GOLGA2: variants seen among roughly 807,000 people sequenced by gnomAD.
The protein encoded by GOLGA2 is golgin subfamily A member 2.
GOLGA2 carries 49 observed loss-of-function variants against 148.8 expected under a neutral mutation model. The observed-to-expected ratio is 0.33, with a 90% CI of 0.26 to 0.42. The LOEUF (loss-of-function observed/expected upper bound fraction) is 0.42, where lower values mean the gene tolerates loss of function less well. Among genes scored for constraint, GOLGA2 ranks in the 10% least tolerant of loss-of-function variants. The pLI, the probability that GOLGA2 is intolerant of heterozygous loss-of-function variation, is 1.00. For synonymous variants in GOLGA2, 501 were observed against 511.8 expected, an observed-to-expected ratio of 0.98 and a Z score of 0.28; for missense variants, 1,178 against 1,304.6, an observed-to-expected ratio of 0.90 and a Z score of 1.49.
At chr9:128,264,282 T>C (rs1231387403) in intron 12 of GOLGA2, among the ~76,000 whole-genome samples, 1 of 148,592 alleles carries the variant, frequency 6.7e-6, no homozygotes, top group Non-Finnish European at 1.5e-5. Context: ...TCACCCAGGC[T>C]GGAGTGCAGT....
chr9:128,263,916 G>A (rs1830431601), intron 12 of GOLGA2, among the ~76,000 whole-genome samples: 1 of 150,248 alleles, frequency 6.7e-6, no homozygotes, highest in Non-Finnish European at 1.5e-5. Context: ...TGGCACTTTG[G>A]GAGGCCGAGG....
Position 128,261,472 on chromosome 9 carries a change from C to T in GOLGA2, c.1314G>A (p.Met438Ile), listed in dbSNP as rs776705825. 5 of 1,598,738 alleles carry T rather than the reference C, an allele frequency of 3.1e-6. No homozygotes were observed. The change falls in exon 16 of 27, where the codon ATG becomes ATA. Residue 438 changes from methionine (M) to isoleucine (I), a missense_variant. Around this residue, in one of 5 missense-constraint regions of GOLGA2, gnomAD observed 304 missense variants for 404.1 expected, o/e 0.75. Transcript: ENST00000611957. This position sits in a 1 kb window ranked among gnomAD's most constrained non-coding sequence, Gnocchi z 5.7. ...KGESAMWRQR[M>I]QQMSEQVHTL... ...GTCTCACCTGCTCTGACATCTGCTG[C>T]ATCCTCTGCCGCCACATGGCGCTCT...
Position 128,262,574 on chromosome 9 carries a change from G to C in GOLGA2, c.1123C>G (p.Leu375Val). The C allele has an allele frequency of 6.2e-7, 1 of 1,614,092 alleles. No individual in the cohort carries two copies. Among genetic ancestry groups the C allele is most frequent in the Non-Finnish European group, 8.5e-7 (1 of 1,179,944 alleles). Reference sequence around the variant, plus strand: ...CTGCAGCCTCTTGCCTGTTGAAGCAGGAGTTCCGTCATCTCTAACTTCTTT... The same window carrying C: ...CTGCAGCCTCTTGCCTGTTGAAGCACGAGTTCCGTCATCTCTAACTTCTTT... The part of the protein sequence containing the change: ...LQKKLEMTEL[L>V]LQQFSSRCEA... Residue 375 changes from leucine (L) to valine (V), a missense_variant, in exon 14 of 27, where the codon CTG (leucine) becomes GTG (valine). Leu to Val is a conservative substitution (Grantham distance 32, BLOSUM62 1). Transcript: ENST00000611957.
In GOLGA2 at chr9:128,256,368, G is replaced by A. The variant is rs1829860695; in HGVS notation, c.*699C>T. 1 of 152,472 alleles carries A rather than the reference G, an allele frequency of 6.6e-6. No homozygotes were observed. The highest frequency in any genetic ancestry group is 6.5e-5 in the Admixed American group (1 of 15,296). The allele number at this position is 152,472 out of a possible 1,614,324, so 9.4% of individuals were successfully genotyped here. Reference sequence around the variant, plus strand: ...TTAGACAGGGGTCTTATTTGCTACTGTAAGAGTAAAGGGATGACTGGGAAG... The same window carrying A: ...TTAGACAGGGGTCTTATTTGCTACTATAAGAGTAAAGGGATGACTGGGAAG... On this transcript the variant is annotated 3_prime_UTR_variant, in exon 27 of 27. Transcript: ENST00000611957.
In GOLGA2 at chr9:128,258,623, C is replaced by T. The variant is rs2131333879; in HGVS notation, c.2174-53G>A. On this transcript the variant is annotated intron_variant, in intron 21 of 26. Coordinates refer to ENST00000611957, the MANE Select transcript of GOLGA2 (RefSeq NM_001366244.2). The surrounding 1 kb of genome is among the most constrained non-coding windows in gnomAD (Gnocchi z 6.6). ...GACAACCCAACAAGGGTACAGTGGGCCCACCTCTGCCCCCACCCTCACTGT... is the reference window on the plus strand; with the variant it reads ...GACAACCCAACAAGGGTACAGTGGGTCCACCTCTGCCCCCACCCTCACTGT... The T allele has an allele frequency of 7.7e-7, 1 of 1,299,568 alleles. No homozygotes were observed. Among genetic ancestry groups the T allele is most frequent in the Non-Finnish European group, 1.1e-6 (1 of 928,532 alleles). The allele number at this position is 1,299,568 out of a possible 1,614,324, so 80.5% of individuals were successfully genotyped here.
In GOLGA2 at chr9:128,271,713, G is replaced by A. The variant is rs76789905; in HGVS notation, c.288+1072C>T. ...GTCCATTTGGAACCAACCTCCCCCCGAGCTGAGCATTTGGAATGTTCCAAA... is the reference window on the plus strand; with the variant it reads ...GTCCATTTGGAACCAACCTCCCCCCAAGCTGAGCATTTGGAATGTTCCAAA... On this transcript the variant is annotated intron_variant, in intron 3 of 26. Transcript: ENST00000611957. This position sits in a 1 kb window ranked among gnomAD's most constrained non-coding sequence, Gnocchi z 4.4. 1.3e-3 allele frequency among the ~76,000 whole-genome samples: 198 copies of A among 152,102 alleles called. 3 individuals are homozygous for A. The East Asian group carries it at 0.026, about 20-fold the overall frequency.
Position 128,261,147 on chromosome 9 carries a change from C to T in GOLGA2, c.1420+25G>A, listed in dbSNP as rs756218229. ...CAACCCTCTGACACCATTCCTGCTC[C>T]CAGGTCACCCCAGCCCCAGCTTACC... On this transcript the variant is annotated intron_variant, in intron 17 of 26. Transcript: ENST00000611957. The surrounding 1 kb of genome is among the most constrained non-coding windows in gnomAD (Gnocchi z 5.7). 2.0e-6 allele frequency: 3 copies of T among 1,529,476 alleles called. No homozygotes were observed. In the Admixed American group the frequency reaches 5.0e-5, roughly 26 times the overall value. The allele number at this position is 1,529,476 out of a possible 1,614,324, so 94.7% of individuals were successfully genotyped here.
chr9:128,261,644 C>T lies in GOLGA2; in HGVS notation c.1224+24G>A. The T allele has an allele frequency of 1.3e-6, 2 of 1,567,616 alleles. No homozygotes were observed. Among genetic ancestry groups the T allele is most frequent in the Non-Finnish European group, 8.8e-7 (1 of 1,137,528 alleles). ...GCCACCTGGGGTCATCTTCCTTCTA[C>T]ATCCCTCCCCTGCAAAGCCTCACCT... On this transcript the variant is annotated intron_variant, in intron 15 of 26. Coordinates refer to ENST00000611957, the MANE Select transcript of GOLGA2 (RefSeq NM_001366244.2). The surrounding 1 kb of genome is among the most constrained non-coding windows in gnomAD (Gnocchi z 5.7).
rs369587258 is a variant in GOLGA2, at chr9:128,260,042, G to C, written c.1872+34C>G. The C allele has an allele frequency of 3.9e-5, 57 of 1,474,852 alleles. No individual in the cohort carries two copies. The highest frequency in any genetic ancestry group is 4.5e-5 in the Non-Finnish European group (48 of 1,062,634). The allele number at this position is 1,474,852 out of a possible 1,614,324, so 91.4% of individuals were successfully genotyped here. ...CACCCCTCCCCAGAGGCTGGTGCCCGCCTCCCAGCCCTTCTTGGATGGGGC... is the reference window on the plus strand; with the variant it reads ...CACCCCTCCCCAGAGGCTGGTGCCCCCCTCCCAGCCCTTCTTGGATGGGGC... On this transcript the variant is annotated intron_variant, in intron 19 of 26. Transcript: ENST00000611957. The surrounding 1 kb of genome is among the most constrained non-coding windows in gnomAD (Gnocchi z 4.8).
In GOLGA2 at chr9:128,257,139, C is replaced by G. The variant is rs745343589; in HGVS notation, c.3018G>C (p.Leu1006Phe). Reference sequence around the variant, plus strand: ...AAAAAGGAATGCAGGGGTTGCTGCCCAAGCCTGGGCGCTCCCGGGGGTTCT... The same window carrying G: ...AAAAAGGAATGCAGGGGTTGCTGCCGAAGCCTGGGCGCTCCCGGGGGTTCT... ...EMQNPRERPGLGSNPCIPFFY... is the reference protein window; with the variant it reads ...EMQNPRERPGFGSNPCIPFFY... Residue 1006 changes from leucine to phenylalanine, a missense_variant, in exon 27 of 27, where the codon TTG becomes TTC. By Grantham distance (22) the Leu-to-Phe change is conservative. Coordinates refer to ENST00000611957, the MANE Select transcript of GOLGA2 (RefSeq NM_001366244.2). The surrounding 1 kb of genome is among the most constrained non-coding windows in gnomAD (Gnocchi z 8.0). 4.3e-6 allele frequency: 7 copies of G among 1,614,034 alleles called. No individual in the cohort carries two copies. The highest frequency in any genetic ancestry group is 1.6e-4 in the Middle Eastern group (1 of 6,076).
chr9:128,274,022 G>A, intron 1 of GOLGA2, 50 bp from the exon 2 acceptor site: 2 of 1,574,014 alleles, frequency 1.3e-6, no homozygotes, highest in Non-Finnish European at 1.7e-6. Context: ...AGCCCCCACA[G>A]TTACATCCTA....
chr9:128,257,466 C>A lies in GOLGA2; in HGVS notation c.2778G>T (p.Trp926Cys). The A allele has an allele frequency of 1.2e-6, 2 of 1,613,324 alleles. No individual in the cohort carries two copies. Among genetic ancestry groups the A allele is most frequent in the African/African-American group, 1.3e-5 (1 of 75,004 alleles). The change falls in exon 26 of 27, where the codon TGG becomes TGT. Residue 926 changes from tryptophan (W) to cysteine (C), a missense_variant. Physicochemically the swap from Trp to Cys is radical, Grantham distance 215. This residue lies in a region of GOLGA2 where 149 missense variants were observed against 154.9 expected (regional missense o/e 0.96). Coordinates refer to ENST00000611957, the MANE Select transcript of GOLGA2 (RefSeq NM_001366244.2). This position sits in a 1 kb window ranked among gnomAD's most constrained non-coding sequence, Gnocchi z 8.0. ...GGGCAGCTGCCAGGAATCTGCCATG[C>A]CACTCGTTGCGGTCGCCCACAAGCC... ...VLRLVGDRNEWHGRFLAAAQN... is the reference protein window; with the variant it reads ...VLRLVGDRNECHGRFLAAAQN...
In GOLGA2 at chr9:128,260,856, C is replaced by T. The variant is rs1326229696; in HGVS notation, c.1421-54G>A. The T allele has an allele frequency of 7.1e-6, 9 of 1,265,038 alleles. No homozygotes were observed. The highest frequency in any genetic ancestry group is 8.8e-6 in the Non-Finnish European group (8 of 909,432). 78.4% of individuals were successfully genotyped at this position (1,265,038 alleles called of 1,614,324 possible). On this transcript the variant is annotated intron_variant, in intron 17 of 26. Transcript: ENST00000611957. The surrounding 1 kb of genome is among the most constrained non-coding windows in gnomAD (Gnocchi z 4.8). ...TCTGGATTCTCAAAAAAACCCTCCT[C>T]TTGGTCCATACCTCCTCTCAAGCTC... is the stretch of plus-strand genomic sequence containing the variant.
Position 128,257,954 on chromosome 9 carries a change from AC to A in GOLGA2, c.2508+25del. On this transcript the variant is annotated intron_variant, in intron 23 of 26. Transcript: ENST00000611957. The surrounding 1 kb of genome is among the most constrained non-coding windows in gnomAD (Gnocchi z 8.0). ...ACCTGCCCCGCCCCCACCCTTCTTG[AC>A]CCATGCCAGGAGAGACTCATTCACC... 1 of 1,591,890 alleles carries A rather than the reference AC, an allele frequency of 6.3e-7. No homozygotes were observed. Among genetic ancestry groups the A allele is most frequent in the Non-Finnish European group, 8.6e-7 (1 of 1,163,698 alleles).
Position 128,260,335 on chromosome 9 carries a change from G to C in GOLGA2, c.1758+130C>G. The C allele has an allele frequency of 9.3e-7, 1 of 1,071,102 alleles. No homozygotes were observed. The highest frequency in any genetic ancestry group is 1.3e-5 in the South Asian group (1 of 78,212). 66.3% of individuals were successfully genotyped at this position (1,071,102 alleles called of 1,614,324 possible). On this transcript the variant is annotated intron_variant, in intron 18 of 26. Coordinates refer to ENST00000611957, the MANE Select transcript of GOLGA2 (RefSeq NM_001366244.2). This position sits in a 1 kb window ranked among gnomAD's most constrained non-coding sequence, Gnocchi z 4.8. ...CTCTCCCCCACAGCCATCGGAGCAG[G>C]GCTCTGGCTCACAGATGCCTCCAGA...
chr9:128,261,847 T>G lies in GOLGA2; in HGVS notation c.1135-90A>C. The G allele has an allele frequency of 1.3e-6, 1 of 763,508 alleles. No individual in the cohort carries two copies. The highest frequency in any genetic ancestry group is 2.3e-6 in the Non-Finnish European group (1 of 425,720). The allele number at this position is 763,508 out of a possible 1,614,324, so 47.3% of individuals were successfully genotyped here. On this transcript the variant is annotated intron_variant, in intron 14 of 26. Transcript: ENST00000611957. The surrounding 1 kb of genome is among the most constrained non-coding windows in gnomAD (Gnocchi z 5.7). Reference sequence around the variant, plus strand: ...AAAAGGGCTAGGGCTAGGCTCAATGTGCAACTCAGTCAATACAACTCTGCT... The same window carrying G: ...AAAAGGGCTAGGGCTAGGCTCAATGGGCAACTCAGTCAATACAACTCTGCT...
Position 128,260,437 on chromosome 9 carries a change from G to A in GOLGA2, c.1758+28C>T. On this transcript the variant is annotated intron_variant, in intron 18 of 26. Coordinates refer to ENST00000611957, the MANE Select transcript of GOLGA2 (RefSeq NM_001366244.2). This position sits in a 1 kb window ranked among gnomAD's most constrained non-coding sequence, Gnocchi z 4.8. ...AAAGGTCTGGAGGGCTAGGGAGGAG[G>A]GCGGGCTCTCCAGGTGGGGCAGCGC... The A allele has an allele frequency of 6.4e-7, 1 of 1,552,538 alleles. No homozygotes were observed. Among genetic ancestry groups the A allele is most frequent in the Non-Finnish European group, 8.8e-7 (1 of 1,130,056 alleles).
At chr9:128,259,457 G>A in intron 19 of GOLGA2, 66 bp from the exon 20 acceptor site, 2 of 1,003,886 alleles carry the variant, frequency 2.0e-6, no homozygotes, top group Non-Finnish European at 3.0e-6. Context: ...CCCATAAATA[G>A]GGTAGCGAGG....
At position 128,256,908 on chromosome 9, in the gene GOLGA2, G is replaced by C. The variant is rs1484588917; in HGVS notation, c.*159C>G. ...TTTAGTGGCCAGCTTTTAGATGACAGTGATCTTCACCTCATCTGCACCTGT... is the reference window on the plus strand; with the variant it reads ...TTTAGTGGCCAGCTTTTAGATGACACTGATCTTCACCTCATCTGCACCTGT... On this transcript the variant is annotated 3_prime_UTR_variant, in exon 27 of 27. Coordinates refer to ENST00000611957, the MANE Select transcript of GOLGA2 (RefSeq NM_001366244.2). 2 of 571,522 alleles carry C rather than the reference G, an allele frequency of 3.5e-6. No individual in the cohort carries two copies. Among genetic ancestry groups the C allele is most frequent in the Non-Finnish European group, 6.3e-6 (2 of 319,036 alleles). The allele number at this position is 571,522 out of a possible 1,614,324, so 35.4% of individuals were successfully genotyped here.
Sources: allele counts gnomAD v4.1 joint callset (sites outside exome capture counted in the v4.1 genomes callset), GRCh38; gene constraint gnomAD v4.1.1; regional missense constraint gnomAD v4.1.1; non-coding constraint Gnocchi (gnomAD v3.1); transcripts MANE v1.5; gene names NCBI Gene and HGNC (gene_info 2026-07-23, HGNC 2026-07-21).